Variants in ZBTB20 observed in about 807,000 individuals in gnomAD.
ZBTB20 encodes zinc finger and BTB domain-containing protein 20.
Under a neutral mutation model 56.9 loss-of-function variants are expected in ZBTB20, and 9 were observed. The ratio of observed to expected loss-of-function variants is 0.16; its 90% CI spans 0.10 to 0.28. The LOEUF (loss-of-function observed/expected upper bound fraction) is 0.28, where lower values mean the gene tolerates loss of function less well. ZBTB20 is among the 10% of genes least tolerant of loss of function. The pLI, the probability that ZBTB20 is intolerant of heterozygous loss-of-function variation, is 1.00. For missense variants in ZBTB20, 655 were observed against 1,003.0 expected, an observed-to-expected ratio of 0.65 and a Z score of 4.69; for synonymous variants, 417 against 420.7, an observed-to-expected ratio of 0.99 and a Z score of 0.11.
Position 114,777,924 on chromosome 3 carries a change from G to A in ZBTB20, c.-343+23177C>T, listed in dbSNP as rs562150661. On this transcript the variant is annotated intron_variant, in intron 5 of 11. Coordinates refer to ENST00000675478, the MANE Select transcript of ZBTB20 (RefSeq NM_001348800.3). Reference sequence around the variant, plus strand: ...GGAATACTATGCAGCCATAAAAAATGATGAGTTCATGTCCTTTGTAGGGAC... The same window carrying A: ...GGAATACTATGCAGCCATAAAAAATAATGAGTTCATGTCCTTTGTAGGGAC... 1.8e-4 allele frequency among the ~76,000 whole-genome samples: 28 copies of A among 151,904 alleles called. No homozygotes were observed. The South Asian group carries it at 5.8e-3, about 32-fold the overall frequency.
At chr3:114,674,857 AACACACACAT>A (rs1578275004) in intron 6 of ZBTB20, among the ~76,000 whole-genome samples, 1 of 151,742 alleles carries the variant, frequency 6.6e-6, no homozygotes, top group East Asian at 1.9e-4. Flanking sequence ...TACATACATA[AACACACACAT>A]ACACACACAA....
chr3:114,796,604 CA>C (rs2071357894), intron 5 of ZBTB20, among the ~76,000 whole-genome samples: 1 of 151,594 alleles, frequency 6.6e-6, no homozygotes, highest in African/African-American at 2.4e-5. Context: ...CTGACTGGAA[CA>C]GGTATCAAAG....
chr3:114,761,408 C>G (rs994169017), intron 5 of ZBTB20, among the ~76,000 whole-genome samples: 1 of 152,058 alleles, frequency 6.6e-6, no homozygotes, highest in African/African-American at 2.4e-5. Context: ...ATGAAACTCA[C>G]AAGTAGAGAA....
chr3:114,513,753 C>T (rs1052983232), intron 6 of ZBTB20, among the ~76,000 whole-genome samples: 5 of 152,088 alleles, frequency 3.3e-5, no homozygotes, highest in Non-Finnish European at 7.4e-5. Context: ...AAAATCACTA[C>T]TTTTTCAATC....
At position 114,330,644 on chromosome 3, in the gene ZBTB20, G is replaced by A. The variant is rs1406453284; in HGVS notation, c.*8361C>T. On this transcript the variant is annotated 3_prime_UTR_variant, in exon 12 of 12. Transcript: ENST00000675478. Reference sequence around the variant, plus strand: ...AATATACATTTTAAAAAGTAATAACGACAAAAAAGTTGCAACTGTAAGTAG... The same window carrying A: ...AATATACATTTTAAAAAGTAATAACAACAAAAAAGTTGCAACTGTAAGTAG... 2 of 151,998 alleles carry A rather than the reference G, an allele frequency of 1.3e-5. No individual in the cohort carries two copies. Among genetic ancestry groups the A allele is most frequent in the African/African-American group, 4.8e-5 (2 of 41,388 alleles). 9.4% of individuals were successfully genotyped at this position (151,998 alleles called of 1,614,324 possible). A position where few individuals can be genotyped will look rare whatever the true frequency, so the allele number is the denominator to read the frequency against.
intron 6 of ZBTB20, among the ~76,000 whole-genome samples, chr3:114,588,142 T>C (rs1006409577): frequency 1.3e-5 from 2 of 152,116 alleles, no homozygotes; most frequent in African/African-American, 4.8e-5. Context: ...GCTATTCTGT[T>C]TTAGGTGGGG....
chr3:114,999,214 TGAAAG>T (rs1179765913), intron 2 of ZBTB20, among the ~76,000 whole-genome samples: 1 of 98,778 alleles, frequency 1.0e-5, no homozygotes, highest in African/African-American at 4.1e-5. Context: ...AGGAGGGAAA[TGAAAG>T]GAAAGGAAAG....
At chr3:114,448,960 T>C (rs933124867) in intron 7 of ZBTB20, among the ~76,000 whole-genome samples, 1 of 152,144 alleles carries the variant, frequency 6.6e-6, no homozygotes, top group African/African-American at 2.4e-5. Flanking sequence ...TATATATACC[T>C]GCCCAGGTAT....
rs140399593 is a variant in ZBTB20 at position 114,717,701 on chromosome 3, G to C, written c.-342-24126C>G. Among the ~76,000 whole-genome samples the C allele has an allele frequency of 3.2e-4, 48 of 152,120 alleles. No homozygotes were observed. The East Asian group carries it at 8.3e-3, about 26-fold the overall frequency. On this transcript the variant is annotated intron_variant, in intron 5 of 11. Transcript: ENST00000675478. The stretch of plus-strand genomic sequence containing the variant: ...TGTATTAGAAAAATTGTCCGTATTA[G>C]TTATTACCGTATCTTCACTTTCTAT...
At chr3:114,380,149 C>G in intron 10 of ZBTB20, 68 bp downstream of exon 10, 12 of 1,399,018 alleles carry the variant, frequency 8.6e-6, no homozygotes, top group Non-Finnish European at 1.1e-5. Flanking sequence ...AGTAGAAAAG[C>G]CAGAACCCAG....
chr3:114,960,165 G>T lies in ZBTB20; in HGVS notation c.-456+14201C>A, dbSNP rs532580163. On this transcript the variant is annotated intron_variant, in intron 3 of 11. Transcript: ENST00000675478. Reference sequence around the variant, plus strand: ...GTAACTAGAATATATAATCTATTCAGATTTTCAAAAGGCTTTTGAGAAAGT... The same window carrying T: ...GTAACTAGAATATATAATCTATTCATATTTTCAAAAGGCTTTTGAGAAAGT... Among the ~76,000 whole-genome samples, 6 of 152,298 alleles carry T rather than the reference G, an allele frequency of 3.9e-5. No homozygotes were observed. In the South Asian group the frequency reaches 1.0e-3, roughly 26 times the overall value.
At chr3:114,396,147 C>T (rs1406088958) in intron 7 of ZBTB20, among the ~76,000 whole-genome samples, 3 of 152,126 alleles carry the variant, frequency 2.0e-5, no homozygotes, top group African/African-American at 4.8e-5. Context: ...TTAATAAGAT[C>T]GTTTTAAACT....
chr3:114,883,916 C>CCTCTTTT (rs1223732179), intron 4 of ZBTB20, among the ~76,000 whole-genome samples: 2 of 89,774 alleles, frequency 2.2e-5, no homozygotes, highest in Admixed American at 1.6e-4. Flanking sequence ...ATGGTGTGTT[C>CCTCTTTT]TTTTTTTTTT....
chr3:114,522,755 A>G (rs930840577), intron 6 of ZBTB20, among the ~76,000 whole-genome samples: 4 of 152,150 alleles, frequency 2.6e-5, no homozygotes, highest in Non-Finnish European at 4.4e-5. Flanking sequence ...GGTCTGGGAG[A>G]GAAATAAATT....
At chr3:114,750,398 C>G (rs1410113728) in intron 5 of ZBTB20, among the ~76,000 whole-genome samples, 3 of 151,982 alleles carry the variant, frequency 2.0e-5, no homozygotes, top group African/African-American at 2.4e-5. Context: ...AAATCTGACT[C>G]TAAAGCAATA....
At chr3:114,720,059 T>C (rs2064804961) in intron 5 of ZBTB20, among the ~76,000 whole-genome samples, 1 of 150,268 alleles carries the variant, frequency 6.7e-6, no homozygotes, top group South Asian at 2.1e-4. Context: ...GTAGGAGAAA[T>C]AATTCTTACA....
At chr3:114,724,619 T>C (rs1275536236) in intron 5 of ZBTB20, among the ~76,000 whole-genome samples, 2 of 152,218 alleles carry the variant, frequency 1.3e-5, no homozygotes, top group Admixed American at 6.5e-5. Context: ...CCAGAATATG[T>C]ATCTCAAAGA....
rs1576185886 is a variant in ZBTB20, at chr3:114,327,005, A to G, written c.*12000T>C. 2 of 152,160 alleles carry G rather than the reference A, an allele frequency of 1.3e-5. No homozygotes were observed. 9.4% of individuals were successfully genotyped at this position (152,160 alleles called of 1,614,324 possible). A position where few individuals can be genotyped will look rare whatever the true frequency, so the allele number is the denominator to read the frequency against. On this transcript the variant is annotated 3_prime_UTR_variant, in exon 12 of 12. Transcript: ENST00000675478. ...AAAGCAAGCTTTTCCTGGAGAAAAGAAGAAAAAAAAATCTTCCTATCCTCA... is the reference window on the plus strand; with the variant it reads ...AAAGCAAGCTTTTCCTGGAGAAAAGGAGAAAAAAAAATCTTCCTATCCTCA...
intron 3 of ZBTB20, among the ~76,000 whole-genome samples, chr3:114,905,864 T>C (rs542939269): frequency 6.6e-6 from 1 of 151,980 alleles, no homozygotes; most frequent in South Asian, 2.1e-4. Flanking sequence ...ATACTCGGTA[T>C]GGAAGAAACT....
Sources: gnomAD v4.1 joint callset for allele counts (sites outside exome capture counted in the v4.1 genomes callset) on GRCh38, gnomAD v4.1.1 for gene constraint, MANE v1.5 for transcripts, NCBI Gene and HGNC (gene_info 2026-07-23, HGNC 2026-07-21) for gene names.